The following FBXO48 variants were observed in gnomAD, a reference collection of about 807,000 sequenced individuals.
The protein encoded by FBXO48 is F-box protein 48.
A neutral mutation model predicts 14.3 loss-of-function variants in FBXO48; 12 were observed. The ratio of observed to expected loss-of-function variants is 0.84; its 90% confidence interval spans 0.54 to 1.36. FBXO48 has a LOEUF of 1.36. FBXO48 is among the 40% of genes most tolerant of loss of function. FBXO48 has a pLI of 0.00. For synonymous variants in FBXO48, 53 were observed against 61.7 expected (o/e 0.86, Z 0.66); for missense variants, 177 against 179.1 (o/e 0.99, Z 0.07).
Position 68,464,922 on chromosome 2 carries a change from A to T in FBXO48, c.224T>A (p.Leu75Ter), listed in dbSNP as rs908528303. ...TACAGTCATGCAGTGAGGTTTCCAT[A>T]AAGAGTCACTGTTTCTTATTGTGTC... Reference protein sequence around the residue: ...WNDTIRNSDSLWKPHCMTVRA... With the variant: ...WNDTIRNSDS The change falls in exon 3 of 4, where the codon TTA becomes TAA. Residue 75 changes from leucine (L) to a stop codon, truncating the protein, a stop_gained. Transcript: ENST00000377957. LOFTEE classifies it high-confidence loss of function. The T allele has an allele frequency of 6.2e-7, 1 of 1,613,904 alleles. No individual in the cohort carries two copies. The highest frequency in any genetic ancestry group is 8.5e-7 in the Non-Finnish European group (1 of 1,179,946).
Position 68,463,647 on chromosome 2 carries a change from ATTAAC to A in FBXO48, c.*557_*561del, listed in dbSNP as rs1675322333. ...GGACAAACTTTAGCCCTGAGATGAC[ATTAAC>A]TTAAAACTAAACCACAGGCTTAACA... On this transcript the variant is annotated 3_prime_UTR_variant, in exon 4 of 4. Coordinates refer to ENST00000377957, the MANE Select transcript of FBXO48 (RefSeq NM_001024680.3). 6.6e-6 allele frequency: 1 copy of A among 152,268 alleles called. No individual in the cohort carries two copies. The highest frequency in any genetic ancestry group is 2.4e-5 in the African/African-American group (1 of 41,456). 9.4% of individuals were successfully genotyped at this position (152,268 alleles called of 1,614,324 possible).
intron 1 of FBXO48, among the ~76,000 whole-genome samples, 199 bp downstream of exon 1, chr2:68,467,012 G>A (rs1041719592): frequency 1.3e-5 from 2 of 152,156 alleles, no homozygotes; most frequent in Non-Finnish European, 1.5e-5. Context: ...CGTCCCGTCT[G>A]AGCCACCCTC....
rs774419237 is a variant in FBXO48 at position 68,465,097 on chromosome 2, CTG to C, written c.47_48del (p.Thr16ArgfsTer8). 1.2e-6 allele frequency: 2 copies of C among 1,613,044 alleles called. No individual in the cohort carries two copies. The highest frequency in any genetic ancestry group is 2.2e-5 in the South Asian group (2 of 91,054). ...TTCTCAGCATCCACAGAGTTCGCTT[CTG>C]TGTGAGAAACTCTTAAATTATTGTT... Reference protein sequence around the residue: ...KRNNNLRVSHTEANSVDAEKE... With the variant: ...KRNNNLRVSHXEANSVDAEKE... On this transcript the variant is annotated frameshift_variant, in exon 3 of 4. Transcript: ENST00000377957. LOFTEE classifies it high-confidence loss of function.
At position 68,461,182 on chromosome 2, in the gene FBXO48, G is replaced by GA. The variant is rs1163835773; in HGVS notation, c.*3026dup. 6.6e-6 allele frequency: 1 copy of GA among 152,056 alleles called. No individual in the cohort carries two copies. Among genetic ancestry groups the GA allele is most frequent in the Non-Finnish European group, 1.5e-5 (1 of 68,020 alleles). The allele number at this position is 152,056 out of a possible 1,614,324, so 9.4% of individuals were successfully genotyped here. ...GAATTAATTTAGGTAAGCAGATAAG[G>GA]AATGGCTGGGACCAGGGTCTGGAAT... On this transcript the variant is annotated 3_prime_UTR_variant, in exon 4 of 4. Coordinates refer to ENST00000377957, the MANE Select transcript of FBXO48 (RefSeq NM_001024680.3).
At chr2:68,465,551 CAG>C (rs1438068174) in intron 2 of FBXO48, among the ~76,000 whole-genome samples, 5 of 138,682 alleles carry the variant, frequency 3.6e-5, no homozygotes, top group African/African-American at 1.3e-4. Context: ...AAAAAAAAAA[CAG>C]AAAACCAAAA....
At position 68,464,895 on chromosome 2, in the gene FBXO48, C is replaced by G. The variant is rs772246905; in HGVS notation, c.251G>C (p.Arg84Thr). 1.9e-6 allele frequency: 3 copies of G among 1,613,812 alleles called. 1 individual carries two copies. The South Asian group carries it at 3.3e-5, about 18-fold the overall frequency. Residue 84 changes from arginine (R) to threonine (T), a missense_variant, in exon 3 of 4, where the codon AGA (arginine) becomes ACA (threonine). Coordinates refer to ENST00000377957, the MANE Select transcript of FBXO48 (RefSeq NM_001024680.3). ...SLWKPHCMTV[R>T]AVCRREIDDD... Reference sequence around the variant, plus strand: ...ATCTATTTCTCTTCGGCACACAGCTCTTACAGTCATGCAGTGAGGTTTCCA... The same window carrying G: ...ATCTATTTCTCTTCGGCACACAGCTGTTACAGTCATGCAGTGAGGTTTCCA...
rs376110250 is a variant in FBXO48, at chr2:68,465,120, T to C, written c.26A>G (p.Asn9Ser). 4.5e-5 allele frequency: 72 copies of C among 1,609,458 alleles called. No homozygotes were observed. The highest frequency in any genetic ancestry group is 5.8e-5 in the Non-Finnish European group (68 of 1,177,784). Residue 9 changes from asparagine to serine, a missense_variant, in exon 3 of 4, where the codon AAT becomes AGT. Coordinates refer to ENST00000377957, the MANE Select transcript of FBXO48 (RefSeq NM_001024680.3). MHKNSKRN[N>S]NLRVSHTEAN... The stretch of plus-strand genomic sequence containing the variant: ...TTCTGTGTGAGAAACTCTTAAATTA[T>C]TGTTTCTCTTGGAGTTTTTATGCAT...
At chr2:68,465,304 G>C in intron 2 of FBXO48, 126 bp from the exon 3 acceptor site, 1 of 606,098 alleles carries the variant, frequency 1.6e-6, no homozygotes, top group Non-Finnish European at 2.9e-6. Flanking sequence ...CTGTAAAATG[G>C]GCCAATGCTG....
rs1675413316 is a variant in FBXO48 at position 68,466,375 on chromosome 2, T to C, written c.-265A>G. 1 of 152,276 alleles carries C rather than the reference T, an allele frequency of 6.6e-6. No individual in the cohort carries two copies. Among genetic ancestry groups the C allele is most frequent in the Non-Finnish European group, 1.5e-5 (1 of 68,072 alleles). 9.4% of individuals were successfully genotyped at this position (152,276 alleles called of 1,614,324 possible). A position where few individuals can be genotyped will look rare whatever the true frequency, so the allele number is the denominator to read the frequency against. ...CTCTTTTCTAGACGAGCTACTCAGCTATGTTTTCGGACTTGCCAAGACCAC... is the reference window on the plus strand; with the variant it reads ...CTCTTTTCTAGACGAGCTACTCAGCCATGTTTTCGGACTTGCCAAGACCAC... On this transcript the variant is annotated 5_prime_UTR_variant, in exon 2 of 4. It adds an upstream start codon to the 5' untranslated region. Transcript: ENST00000377957.
chr2:68,464,471 G>A (rs1573126034), intron 3 of FBXO48, 101 bp from the exon 4 acceptor site: 1 of 996,878 alleles, frequency 1.0e-6, no homozygotes, highest in Non-Finnish European at 1.5e-6. Flanking sequence ...GAAAAAAAGA[G>A]TATTTACATT....
rs61136506 is a variant in FBXO48, at chr2:68,460,536, T to TTATATATA, written c.*3665_*3672dup. The TTATATATA allele has an allele frequency of 6.8e-6, 1 of 146,496 alleles. No homozygotes were observed. Among genetic ancestry groups the TTATATATA allele is most frequent in the African/African-American group, 2.5e-5 (1 of 39,384 alleles). The allele number at this position is 146,496 out of a possible 1,614,324, so 9.1% of individuals were successfully genotyped here. A position where few individuals can be genotyped will look rare whatever the true frequency, so the allele number is the denominator to read the frequency against. ...ACTATCTTTGGATATATCAAATATT[T>TTATATATA]TATATATATATATATATACTTATAC... On this transcript the variant is annotated 3_prime_UTR_variant, in exon 4 of 4. Coordinates refer to ENST00000377957, the MANE Select transcript of FBXO48 (RefSeq NM_001024680.3).
rs1466815607 is a variant in FBXO48, at chr2:68,460,612, T to C, written c.*3597A>G. The C allele has an allele frequency of 6.6e-6, 1 of 151,948 alleles. No individual in the cohort carries two copies. Among genetic ancestry groups the C allele is most frequent in the African/African-American group, 2.4e-5 (1 of 41,398 alleles). The allele number at this position is 151,948 out of a possible 1,614,324, so 9.4% of individuals were successfully genotyped here. ...TAATAGCATATGTATTTCTGGAACA[T>C]CTCATGGAGATCTGATGTTGGGACA... On this transcript the variant is annotated 3_prime_UTR_variant, in exon 4 of 4. Coordinates refer to ENST00000377957, the MANE Select transcript of FBXO48 (RefSeq NM_001024680.3).
rs901499063 is a variant in FBXO48 at position 68,464,139 on chromosome 2, G to A, written c.*70C>T. The A allele has an allele frequency of 1.5e-5, 20 of 1,307,518 alleles. 1 individual carries two copies. The highest frequency in any genetic ancestry group is 7.3e-5 in the African/African-American group (5 of 68,738). The allele number at this position is 1,307,518 out of a possible 1,614,324, so 81.0% of individuals were successfully genotyped here. ...AACAAAATGAACGAATAAAGATATC[G>A]CTTTTGCAACCTAAGAGTCATTTAA... On this transcript the variant is annotated 3_prime_UTR_variant, in exon 4 of 4. Transcript: ENST00000377957.
Position 68,465,170 on chromosome 2 carries a change from A to C in FBXO48, c.-25T>G, listed in dbSNP as rs1461618570. The C allele has an allele frequency of 6.5e-7, 1 of 1,537,322 alleles. No individual in the cohort carries two copies. The highest frequency in any genetic ancestry group is 2.0e-5 in the Admixed American group (1 of 50,598). On this transcript the variant is annotated 5_prime_UTR_variant, in exon 3 of 4. An upstream start codon of the reference 5' UTR is lost. Coordinates refer to ENST00000377957, the MANE Select transcript of FBXO48 (RefSeq NM_001024680.3). ...TAGCTTAATGTTTTAAGTTATCCTCATATGTAACCTAAAAGGCAAAATTTA... is the reference window on the plus strand; with the variant it reads ...TAGCTTAATGTTTTAAGTTATCCTCCTATGTAACCTAAAAGGCAAAATTTA...
chr2:68,463,982 T>G lies in FBXO48; in HGVS notation c.*227A>C. On this transcript the variant is annotated 3_prime_UTR_variant, in exon 4 of 4. Transcript: ENST00000377957. The stretch of plus-strand genomic sequence containing the variant: ...GGAAATCACTCTATCAGTATATTAT[T>G]TCTTATAAAAATAACATTTCATGAT... 3 of 430,700 alleles carry G rather than the reference T, an allele frequency of 7.0e-6. No individual in the cohort carries two copies. The South Asian group carries it at 9.6e-5, about 14-fold the overall frequency. 26.7% of individuals were successfully genotyped at this position (430,700 alleles called of 1,614,324 possible). A position where few individuals can be genotyped will look rare whatever the true frequency, so the allele number is the denominator to read the frequency against.
chr2:68,465,176 A>T lies in FBXO48; in HGVS notation c.-31T>A. On this transcript the variant is annotated splice_region_variant and 5_prime_UTR_variant, in exon 3 of 4. Transcript: ENST00000377957. ...AATGTTTTAAGTTATCCTCATATGT[A>T]ACCTAAAAGGCAAAATTTAAACATG... is the stretch of plus-strand genomic sequence containing the variant. The T allele has an allele frequency of 6.6e-7, 1 of 1,505,220 alleles. No homozygotes were observed. Among genetic ancestry groups the T allele is most frequent in the Non-Finnish European group, 9.0e-7 (1 of 1,114,278 alleles). The allele number at this position is 1,505,220 out of a possible 1,614,324, so 93.2% of individuals were successfully genotyped here. A position where few individuals can be genotyped will look rare whatever the true frequency, so the allele number is the denominator to read the frequency against.
rs116190258 is a variant in FBXO48, at chr2:68,461,689, A to G, written c.*2520T>C. The stretch of plus-strand genomic sequence containing the variant: ...ACTTATGAAAAGGGGGGATTGGGTC[A>G]TGTTTCCATCCTTGGACTAAACACG... On this transcript the variant is annotated 3_prime_UTR_variant, in exon 4 of 4. Coordinates refer to ENST00000377957, the MANE Select transcript of FBXO48 (RefSeq NM_001024680.3). 6.6e-6 allele frequency: 1 copy of G among 151,588 alleles called. No homozygotes were observed. The highest frequency in any genetic ancestry group is 1.5e-5 in the Non-Finnish European group (1 of 67,970). 9.4% of individuals were successfully genotyped at this position (151,588 alleles called of 1,614,324 possible).
rs1431356897 is a variant in FBXO48 at position 68,464,902 on chromosome 2, T to C, written c.244A>G (p.Thr82Ala). Reference protein sequence around the residue: ...SDSLWKPHCMTVRAVCRREID... With the variant: ...SDSLWKPHCMAVRAVCRREID... ...TCTCTTCGGCACACAGCTCTTACAG[T>C]CATGCAGTGAGGTTTCCATAAAGAG... Residue 82 changes from threonine (T) to alanine (A), a missense_variant, in exon 3 of 4, where the codon ACT becomes GCT. Transcript: ENST00000377957. 1 of 1,613,878 alleles carries C rather than the reference T, an allele frequency of 6.2e-7. No homozygotes were observed. Among genetic ancestry groups the C allele is most frequent in the Admixed American group, 1.7e-5 (1 of 60,026 alleles).
chr2:68,463,341 T>C lies in FBXO48; in HGVS notation c.*868A>G, dbSNP rs1675314937. 6.6e-6 allele frequency: 1 copy of C among 152,138 alleles called. No individual in the cohort carries two copies. Among genetic ancestry groups the C allele is most frequent in the Non-Finnish European group, 1.5e-5 (1 of 68,012 alleles). 9.4% of individuals were successfully genotyped at this position (152,138 alleles called of 1,614,324 possible). The stretch of plus-strand genomic sequence containing the variant: ...AAACAAAAGTTTTTAAAAGTTAAAA[T>C]AAAGGTTCCTAAAAAGTTATAAACT... On this transcript the variant is annotated 3_prime_UTR_variant, in exon 4 of 4. Transcript: ENST00000377957.
Sources: gnomAD v4.1 joint callset for allele counts (sites outside exome capture counted in the v4.1 genomes callset) on GRCh38, gnomAD v4.1.1 for gene constraint, MANE v1.5 for transcripts, NCBI Gene and HGNC (gene_info 2026-07-23, HGNC 2026-07-21) for gene names.